The following ALK variants were observed in gnomAD, a reference collection of about 807,000 sequenced individuals.
ALK encodes the protein ALK tyrosine kinase receptor.
Under a neutral mutation model 163.1 loss-of-function variants are expected in ALK, and 74 were observed. The ratio of observed to expected loss-of-function variants is 0.45; its 90% CI spans 0.38 to 0.55. The LOEUF is 0.55. Among genes scored for constraint, ALK ranks in the 20% least tolerant of loss-of-function variants. The probability of loss-of-function intolerance (pLI) is 0.00; values close to 1 mark genes in which losing one functional copy is unlikely to be tolerated. For synonymous variants in ALK, 960 were observed against 843.2 expected (o/e 1.14, Z -2.40); for missense variants, 2,063 against 2,105.3 (o/e 0.98, Z 0.39).
intron 4 of ALK, among the ~76,000 whole-genome samples, chr2:29,486,152 C>T (rs1671771782): frequency 1.3e-5 from 2 of 152,100 alleles, no homozygotes; most frequent in African/African-American, 2.4e-5. Flanking sequence ...CCTTGTGCTG[C>T]ATTTAGAGCA....
intron 5 of ALK, among the ~76,000 whole-genome samples, chr2:29,346,660 T>C (rs1346059557): frequency 6.6e-6 from 1 of 152,246 alleles, no homozygotes; most frequent in African/African-American, 2.4e-5. Flanking sequence ...ACCGATATGT[T>C]TTATGTCCCG....
At chr2:29,253,875 GATAGA>G (rs1664885312) in intron 11 of ALK, among the ~76,000 whole-genome samples, 1 of 151,746 alleles carries the variant, frequency 6.6e-6, no homozygotes, top group Admixed American at 6.6e-5. Flanking sequence ...TAGATAGATA[GATAGA>G]TAGATAGATA....
At chr2:29,638,691 C>T (rs931518405) in intron 3 of ALK, among the ~76,000 whole-genome samples, 1 of 152,122 alleles carries the variant, frequency 6.6e-6, no homozygotes, top group African/African-American at 2.4e-5. Context: ...CTGTTTCTTG[C>T]CCTACAGTTT....
intron 4 of ALK, among the ~76,000 whole-genome samples, chr2:29,483,889 A>G (rs1558344764): frequency 6.6e-6 from 1 of 152,200 alleles, no homozygotes; most frequent in Admixed American, 6.5e-5. Flanking sequence ...GAGACTGGGT[A>G]ATTTATAAAG....
chr2:29,703,104 G>A (rs1349981310), intron 2 of ALK, among the ~76,000 whole-genome samples: 2 of 152,240 alleles, frequency 1.3e-5, no homozygotes, highest in African/African-American at 2.4e-5. Flanking sequence ...CTTGGTCAAT[G>A]GGATCTGCAT....
intron 4 of ALK, among the ~76,000 whole-genome samples, chr2:29,414,499 C>A (rs1201799606): frequency 6.6e-6 from 1 of 152,130 alleles, no homozygotes; most frequent in Non-Finnish European, 1.5e-5. Flanking sequence ...GCGAGTAGGT[C>A]ATAGTAGGCC....
intron 3 of ALK, among the ~76,000 whole-genome samples, chr2:29,551,223 G>T (rs1183611493): frequency 2.0e-5 from 3 of 152,078 alleles, no homozygotes; most frequent in Non-Finnish European, 2.9e-5. Flanking sequence ...TTATTTACGG[G>T]AGTAAATATT....
At chr2:29,867,068 A>T (rs536989671) in intron 1 of ALK, among the ~76,000 whole-genome samples, 12 of 152,314 alleles carry the variant, frequency 7.9e-5, no homozygotes, top group African/African-American at 2.9e-4. Flanking sequence ...GGGTGGAAGG[A>T]TTAATATATT....
rs1664474290 is a variant in ALK at position 29,239,749 on chromosome 2, G to A, written c.2286C>T (p.Ile762=). The change falls in exon 13 of 29, where the codon ATC becomes ATT. Residue 762 remains isoleucine (I), a synonymous_variant. Transcript: ENST00000389048. ...GCATGTCATCCTTCTCCAGGTTGAAGATGCCCAGCACAGACACGCCGTGGG... is the reference window on the plus strand; with the variant it reads ...GCATGTCATCCTTCTCCAGGTTGAAAATGCCCAGCACAGACACGCCGTGGG... ...MRSHGVSVLG[I]FNLEKDDMLY... The A allele has an allele frequency of 6.2e-7, 1 of 1,614,108 alleles. No homozygotes were observed. The highest frequency in any genetic ancestry group is 8.5e-7 in the Non-Finnish European group (1 of 1,180,040).
chr2:29,488,895 A>G (rs1051626070), intron 4 of ALK, among the ~76,000 whole-genome samples: 7 of 152,160 alleles, frequency 4.6e-5, no homozygotes, highest in Non-Finnish European at 8.8e-5. Context: ...GTGGTTTATC[A>G]CTTTATTAGC....
chr2:29,321,154 T>G (rs1308390955), intron 6 of ALK, among the ~76,000 whole-genome samples: 2 of 152,220 alleles, frequency 1.3e-5, no homozygotes, highest in Non-Finnish European at 2.9e-5. Context: ...TCCAGTTGTA[T>G]ATCTGACAAA....
chr2:29,691,511 A>G (rs568300890), intron 3 of ALK, among the ~76,000 whole-genome samples: 1 of 152,324 alleles, frequency 6.6e-6, no homozygotes, highest in South Asian at 2.1e-4. Flanking sequence ...ATGGAAGTTG[A>G]CAACATTTAC....
intron 1 of ALK, among the ~76,000 whole-genome samples, chr2:29,836,892 C>T (rs1223553614): frequency 1.3e-5 from 2 of 152,164 alleles, no homozygotes; most frequent in African/African-American, 4.8e-5. Context: ...TGTTCTTTCA[C>T]TTTGGTCAAG....
intron 1 of ALK, among the ~76,000 whole-genome samples, chr2:29,800,952 G>A (rs975869799): frequency 7.2e-5 from 11 of 152,156 alleles, no homozygotes; most frequent in African/African-American, 2.4e-4. Context: ...GGCTCCCGTG[G>A]GCGCTGGCCT....
intron 1 of ALK, among the ~76,000 whole-genome samples, chr2:29,821,544 G>A (rs902482015): frequency 6.6e-6 from 1 of 152,114 alleles, no homozygotes; most frequent in Admixed American, 6.5e-5. Context: ...TGCCCTGAAA[G>A]GTCCAAGACC....
intron 1 of ALK, among the ~76,000 whole-genome samples, chr2:29,865,922 C>T (rs1041392177): frequency 6.6e-6 from 1 of 152,116 alleles, no homozygotes; most frequent in African/African-American, 2.4e-5. Flanking sequence ...GGTCTCTCTC[C>T]CAGACACCAA....
chr2:29,348,218 T>G (rs1573264576), intron 5 of ALK, among the ~76,000 whole-genome samples: 5 of 152,222 alleles, frequency 3.3e-5, no homozygotes, highest in Admixed American at 3.3e-4. Context: ...CCATCTCTCC[T>G]AGGCTGACTT....
chr2:29,287,046 G>A (rs565351952), intron 9 of ALK, among the ~76,000 whole-genome samples: 24 of 151,310 alleles, frequency 1.6e-4, no homozygotes, highest in Non-Finnish European at 2.8e-4. Context: ...ATTATAAAAT[G>A]TTTTATTAAT....
At chr2:29,892,577 A>T (rs1466431711) in intron 1 of ALK, among the ~76,000 whole-genome samples, 2 of 152,134 alleles carry the variant, frequency 1.3e-5, no homozygotes, top group African/African-American at 4.8e-5. Flanking sequence ...GGACCCTCAC[A>T]ATGAGCAATT....
Sources: allele counts gnomAD v4.1 joint callset (sites outside exome capture counted in the v4.1 genomes callset), GRCh38; gene constraint gnomAD v4.1.1; transcripts MANE v1.5; gene names NCBI Gene and HGNC (gene_info 2026-07-23, HGNC 2026-07-21).